The following CCDC146 variants were observed in gnomAD, a reference collection of about 807,000 sequenced individuals.
The protein encoded by CCDC146 is coiled-coil domain-containing protein 146.
Under a neutral mutation model 119.3 loss-of-function variants are expected in CCDC146, and 92 were observed. That is an observed-to-expected ratio of 0.77 (90% CI 0.65 to 0.92). The LOEUF (loss-of-function observed/expected upper bound fraction) is 0.92, where lower values mean the gene tolerates loss of function less well. CCDC146 is among the 40% of genes least tolerant of loss of function. CCDC146 has a pLI of 0.00. For missense variants in CCDC146, 1,000 were observed against 1,103.0 expected (o/e 0.91, Z 1.32); for synonymous variants, 372 against 371.8 (o/e 1.00, Z -0.01).
intron 2 of CCDC146, among the ~76,000 whole-genome samples, chr7:77,187,391 G>T (rs1401480049): frequency 6.6e-6 from 1 of 152,042 alleles, no homozygotes; most frequent in African/African-American, 2.4e-5. Context: ...CTCCATTTTA[G>T]TTTGGTTTGG....
chr7:77,211,710 G>A (rs1299503207), intron 2 of CCDC146, among the ~76,000 whole-genome samples: 1 of 152,062 alleles, frequency 6.6e-6, no homozygotes, highest in African/African-American at 2.4e-5. Context: ...CCACCTCCTG[G>A]ATTCAAATGA....
intron 2 of CCDC146, among the ~76,000 whole-genome samples, chr7:77,222,961 C>G (rs532610885): frequency 9.8e-5 from 15 of 152,382 alleles, no homozygotes; most frequent in African/African-American, 3.6e-4. Flanking sequence ...TATCCTGGCT[C>G]TGTTTCCTGA....
At chr7:77,281,235 G>A (rs1793758952) in intron 14 of CCDC146, among the ~76,000 whole-genome samples, 1 of 152,180 alleles carries the variant, frequency 6.6e-6, no homozygotes, top group Non-Finnish European at 1.5e-5. Flanking sequence ...GGTCATTCGG[G>A]TTGCCTCTTA....
At chr7:77,246,154 GTCTCC>G (rs1393659686) in intron 4 of CCDC146, among the ~76,000 whole-genome samples, 3 of 152,300 alleles carry the variant, frequency 2.0e-5, no homozygotes, top group East Asian at 3.9e-4. Flanking sequence ...AGTCACCAGA[GTCTCC>G]TCTCAGTGAT....
intron 2 of CCDC146, among the ~76,000 whole-genome samples, chr7:77,178,768 G>T (rs13310975): frequency 2.6e-5 from 4 of 152,160 alleles, no homozygotes; most frequent in Admixed American, 6.6e-5. Context: ...CTAGGAGAAA[G>T]AATAGTATTT....
At position 77,218,615 on chromosome 7, in the gene CCDC146, CT is replaced by C. The variant is rs569678543; in HGVS notation, c.157-18318del. On this transcript the variant is annotated intron_variant, in intron 2 of 18. Coordinates refer to ENST00000285871, the MANE Select transcript of CCDC146 (RefSeq NM_020879.3). ...TTTTATGGTAAAATCTACCAATTCT[CT>C]TTTTTTTTTTTTTGGCAGGGTCTCA... Among the ~76,000 whole-genome samples, 508 of 142,412 alleles carry C rather than the reference CT, an allele frequency of 3.6e-3. 2 individuals are homozygous for C. The highest frequency in any genetic ancestry group is 8.6e-3 in the African/African-American group (336 of 39,136). 93.4% of individuals were successfully genotyped at this position (142,412 alleles called of 152,430 possible).
chr7:77,293,050 A>G lies in CCDC146; in HGVS notation c.2514A>G (p.Gln838=), dbSNP rs746724591. The G allele has an allele frequency of 6.2e-6, 10 of 1,614,092 alleles. No homozygotes were observed. Among genetic ancestry groups the G allele is most frequent in the East Asian group, 4.5e-5 (2 of 44,906 alleles). The change falls in exon 18 of 19, where the codon CAA becomes CAG. Residue 838 remains glutamine, a synonymous_variant. Coordinates refer to ENST00000285871, the MANE Select transcript of CCDC146 (RefSeq NM_020879.3). ...AACAAGCCCTAACCATTGAACTCCA[A>G]AAGGAAGTCAGGGAGAAAGAAGACT... The part of the protein sequence containing the change: ...SMKQALTIEL[Q]KEVREKEDFI...
intron 2 of CCDC146, among the ~76,000 whole-genome samples, chr7:77,233,649 C>G (rs929168540): frequency 2.6e-5 from 4 of 152,146 alleles, no homozygotes; most frequent in Non-Finnish European, 4.4e-5. Context: ...AGTGCACAAC[C>G]TAGATCCCTC....
chr7:77,294,900 G>T lies in CCDC146; in HGVS notation c.*34G>T, dbSNP rs1794017035. The T allele has an allele frequency of 1.3e-6, 2 of 1,567,200 alleles. No individual in the cohort carries two copies. Among genetic ancestry groups the T allele is most frequent in the South Asian group, 1.1e-5 (1 of 88,932 alleles). ...ACAAATCCAGGCCTCTCAAGGAAAAGACTTCAACCAGGCTTCCTTGTACCC... is the reference window on the plus strand; with the variant it reads ...ACAAATCCAGGCCTCTCAAGGAAAATACTTCAACCAGGCTTCCTTGTACCC... On this transcript the variant is annotated 3_prime_UTR_variant, in exon 19 of 19. Transcript: ENST00000285871.
At position 77,272,837 on chromosome 7, in the gene CCDC146, G is replaced by A. The variant is rs145035183; in HGVS notation, c.1174-857G>A. On this transcript the variant is annotated intron_variant, in intron 9 of 18. Coordinates refer to ENST00000285871, the MANE Select transcript of CCDC146 (RefSeq NM_020879.3). ...TCAACACAGGAGAAAAGTGCAAGCC[G>A]TTACAACAGAAATGTAATGGTGAAA... is the stretch of plus-strand genomic sequence containing the variant. Among the ~76,000 whole-genome samples, 285 of 152,258 alleles carry A rather than the reference G, an allele frequency of 1.9e-3. 2 individuals are homozygous for A. Among genetic ancestry groups the A allele is most frequent in the African/African-American group, 6.6e-3 (275 of 41,528 alleles).
intron 1 of CCDC146, among the ~76,000 whole-genome samples, chr7:77,158,754 G>A (rs1791213322): frequency 6.6e-6 from 1 of 152,022 alleles, no homozygotes; most frequent in African/African-American, 2.4e-5. Flanking sequence ...TTCTGACCTC[G>A]TGATCCGCCC....
At chr7:77,270,037 T>C (rs1181442002) in intron 9 of CCDC146, among the ~76,000 whole-genome samples, 1 of 152,222 alleles carries the variant, frequency 6.6e-6, no homozygotes, top group African/African-American at 2.4e-5. Flanking sequence ...TGTTTGATTC[T>C]CCTATGGCGT....
intron 2 of CCDC146, among the ~76,000 whole-genome samples, chr7:77,202,666 T>C (rs999624840): frequency 2.0e-5 from 3 of 152,206 alleles, no homozygotes; most frequent in African/African-American, 7.2e-5. Context: ...AAGTGACTAC[T>C]GCATGAAAAG....
chr7:77,164,141 G>A (rs540724392), intron 1 of CCDC146, among the ~76,000 whole-genome samples: 29 of 152,070 alleles, frequency 1.9e-4, no homozygotes, highest in Non-Finnish European at 3.7e-4. Flanking sequence ...GAGATTACAG[G>A]CGTGAGTCAC....
intron 2 of CCDC146, among the ~76,000 whole-genome samples, chr7:77,179,865 C>G (rs1281107013): frequency 6.6e-6 from 1 of 152,168 alleles, no homozygotes; most frequent in Non-Finnish European, 1.5e-5. Context: ...CCCCAATTCC[C>G]CTTTTCTCCT....
chr7:77,284,160 C>G (rs547057771), intron 15 of CCDC146, among the ~76,000 whole-genome samples: 1 of 152,272 alleles, frequency 6.6e-6, no homozygotes, highest in African/African-American at 2.4e-5. Flanking sequence ...ACCATTCAAG[C>G]GAGGCCTCTG....
At chr7:77,209,380 C>T (rs1792139802) in intron 2 of CCDC146, among the ~76,000 whole-genome samples, 1 of 152,262 alleles carries the variant, frequency 6.6e-6, no homozygotes, top group Non-Finnish European at 1.5e-5. Flanking sequence ...CACATCCAAG[C>T]TACGCTGACA....
At chr7:77,282,213 G>A (rs567807823) in intron 14 of CCDC146, 57 of 205,474 alleles carry the variant, frequency 2.8e-4, no homozygotes, top group South Asian at 5.5e-4. Flanking sequence ...AGTCTGACCC[G>A]AGAAAAGGAT....
At chr7:77,282,847 T>C in intron 15 of CCDC146, 62 bp downstream of exon 15, 1 of 1,144,780 alleles carries the variant, frequency 8.7e-7, no homozygotes, top group Non-Finnish European at 1.3e-6. Context: ...TTTATTAGTT[T>C]GTGGGTGAGT....
Sources: allele counts gnomAD v4.1 joint callset (sites outside exome capture counted in the v4.1 genomes callset), GRCh38; gene constraint gnomAD v4.1.1; transcripts MANE v1.5; gene names NCBI Gene and HGNC (gene_info 2026-07-23, HGNC 2026-07-21).